The following SGCZ variants were observed in gnomAD, a reference collection of about 807,000 sequenced individuals.
SGCZ encodes the protein sarcoglycan zeta.
SGCZ carries 40 observed loss-of-function variants against 41.3 expected under a neutral mutation model. The observed-to-expected ratio is 0.97, with a 90% CI of 0.75 to 1.26. SGCZ has a LOEUF of 1.26. Ranked by LOEUF, SGCZ falls within the 50% of genes most tolerant of loss-of-function variation. The pLI is 0.00. For synonymous variants in SGCZ, 206 were observed against 137.5 expected (o/e 1.50, Z -3.49); for missense variants, 552 against 369.8 (o/e 1.49, Z -4.04).
At chr8:15,131,478 T>C (rs1807897737) in intron 1 of SGCZ, among the ~76,000 whole-genome samples, 2 of 152,230 alleles carry the variant, frequency 1.3e-5, no homozygotes, top group East Asian at 3.8e-4. Flanking sequence ...GATATGTCTT[T>C]ATCAGCAGTG....
At chr8:14,250,975 C>A (rs1338823501) in intron 3 of SGCZ, among the ~76,000 whole-genome samples, 1 of 152,124 alleles carries the variant, frequency 6.6e-6, no homozygotes, top group Non-Finnish European at 1.5e-5. Context: ...TGTCTGTAAT[C>A]CTAGCATTTT....
intron 3 of SGCZ, among the ~76,000 whole-genome samples, chr8:14,249,386 C>T (rs1217565123): frequency 6.6e-6 from 1 of 152,060 alleles, no homozygotes; most frequent in Non-Finnish European, 1.5e-5. Context: ...TCTCATCCTC[C>T]CTAACTGCTT....
intron 1 of SGCZ, among the ~76,000 whole-genome samples, chr8:15,051,038 T>G (rs1016640606): frequency 6.6e-6 from 1 of 152,166 alleles, no homozygotes. Flanking sequence ...AGTTAAGAGG[T>G]TCTCATCTTG....
chr8:15,097,408 T>A (rs1240563855), intron 1 of SGCZ, among the ~76,000 whole-genome samples: 1 of 151,948 alleles, frequency 6.6e-6, no homozygotes, highest in African/African-American at 2.4e-5. Flanking sequence ...GCAACTATAG[T>A]CAGTGCACCT....
intron 1 of SGCZ, among the ~76,000 whole-genome samples, chr8:14,926,586 C>A (rs1344645125): frequency 1.3e-5 from 2 of 151,670 alleles, no homozygotes; most frequent in East Asian, 3.9e-4. Context: ...AAATATATTT[C>A]TTGGGCAAAC....
intron 1 of SGCZ, among the ~76,000 whole-genome samples, chr8:14,822,850 T>C (rs1802155409): frequency 2.0e-5 from 3 of 152,048 alleles, no homozygotes; most frequent in Admixed American, 2.0e-4. Context: ...TCAGCGCAGC[T>C]CGTGACCAGC....
chr8:14,142,286 T>G (rs187483330), intron 5 of SGCZ, among the ~76,000 whole-genome samples: 22 of 152,284 alleles, frequency 1.4e-4, no homozygotes, highest in African/African-American at 5.3e-4. Context: ...CTGCCCATTG[T>G]GCAGATGTAC....
chr8:14,530,375 A>T (rs1471247976), intron 2 of SGCZ, among the ~76,000 whole-genome samples: 3 of 152,078 alleles, frequency 2.0e-5, no homozygotes, highest in Non-Finnish European at 4.4e-5. Context: ...TATAATTTAA[A>T]CTTTATTTTT....
chr8:14,223,147 C>A (rs913246287), intron 4 of SGCZ, among the ~76,000 whole-genome samples: 2 of 151,974 alleles, frequency 1.3e-5, no homozygotes, highest in Non-Finnish European at 2.9e-5. Context: ...CATCTTACAT[C>A]GAATTATCAC....
At chr8:14,503,403 C>A (rs1372295931) in intron 2 of SGCZ, among the ~76,000 whole-genome samples, 1 of 152,022 alleles carries the variant, frequency 6.6e-6, no homozygotes, top group African/African-American at 2.4e-5. Context: ...ATGTAACAAA[C>A]CTGCACATTC....
At chr8:14,844,594 C>T (rs888065503) in intron 1 of SGCZ, among the ~76,000 whole-genome samples, 1 of 152,158 alleles carries the variant, frequency 6.6e-6, no homozygotes, top group African/African-American at 2.4e-5. Context: ...GAGAAATAAA[C>T]TGTTGTCCTA....
At chr8:14,930,738 A>G (rs1424232797) in intron 1 of SGCZ, among the ~76,000 whole-genome samples, 1 of 152,034 alleles carries the variant, frequency 6.6e-6, no homozygotes, top group Non-Finnish European at 1.5e-5. Context: ...ACACAGGAAC[A>G]GAAAACTAAA....
chr8:15,178,188 C>T (rs766997018), intron 1 of SGCZ, among the ~76,000 whole-genome samples: 2 of 152,124 alleles, frequency 1.3e-5, no homozygotes, highest in Non-Finnish European at 2.9e-5. Context: ...ACACCCTCCA[C>T]AACCATTTCT....
chr8:15,083,814 T>C (rs1040632678), intron 1 of SGCZ, among the ~76,000 whole-genome samples: 3 of 152,106 alleles, frequency 2.0e-5, no homozygotes, highest in Admixed American at 1.3e-4. Flanking sequence ...GGCTGGTCTC[T>C]AGCTCTTGGG....
At chr8:15,010,711 C>G (rs1351088543) in intron 1 of SGCZ, among the ~76,000 whole-genome samples, 1 of 152,066 alleles carries the variant, frequency 6.6e-6, no homozygotes, top group African/African-American at 2.4e-5. Context: ...GATATAGAGG[C>G]TTGGTATCAT....
intron 5 of SGCZ, among the ~76,000 whole-genome samples, chr8:14,111,128 G>GTAGAT (rs1802359074): frequency 6.6e-6 from 1 of 152,036 alleles, no homozygotes; most frequent in Non-Finnish European, 1.5e-5. Context: ...TTTTTACCAT[G>GTAGAT]TAGATTACTA....
intron 1 of SGCZ, among the ~76,000 whole-genome samples, chr8:14,846,606 T>C (rs1459423797): frequency 6.8e-6 from 1 of 146,270 alleles, no homozygotes; most frequent in Non-Finnish European, 1.5e-5. Flanking sequence ...TCTTTAAAAA[T>C]ACATACTACT....
At chr8:15,024,521 G>A (rs1008611323) in intron 1 of SGCZ, among the ~76,000 whole-genome samples, 82 of 152,066 alleles carry the variant, frequency 5.4e-4, no homozygotes, top group African/African-American at 1.8e-3. Flanking sequence ...ATAAATAGGA[G>A]ACTTATTAAA....
rs549174326 is a variant in SGCZ, at chr8:14,727,372, T to G, written c.40-172446A>C. On this transcript the variant is annotated intron_variant, in intron 1 of 7. Coordinates refer to ENST00000382080, the MANE Select transcript of SGCZ (RefSeq NM_139167.4). ...GTGTAAAAAATGAAAATACTATTCA[T>G]TGCTGCTGGGAAATTGAATGGAAAA... is the stretch of plus-strand genomic sequence containing the variant. Among the ~76,000 whole-genome samples the G allele has an allele frequency of 3.3e-5, 5 of 152,300 alleles. No homozygotes were observed. The South Asian group carries it at 1.0e-3, about 32-fold the overall frequency.
Sources: allele counts gnomAD v4.1 joint callset (sites outside exome capture counted in the v4.1 genomes callset), GRCh38; gene constraint gnomAD v4.1.1; transcripts MANE v1.5; gene names NCBI Gene and HGNC (gene_info 2026-07-23, HGNC 2026-07-21).